Variants in STK38L observed in about 807,000 individuals in gnomAD.
STK38L encodes serine/threonine kinase 38 like.
STK38L carries 28 observed loss-of-function variants against 59.7 expected under a neutral mutation model. The ratio of observed to expected loss-of-function variants is 0.47; its 90% CI spans 0.35 to 0.64. The LOEUF is 0.64. STK38L is among the 30% of genes least tolerant of loss of function. The probability of loss-of-function intolerance (pLI) is 0.01; values close to 1 mark genes in which losing one functional copy is unlikely to be tolerated. For synonymous variants in STK38L, 162 were observed against 176.8 expected, an observed-to-expected ratio of 0.92 and a Z score of 0.66; for missense variants, 314 against 555.8, an observed-to-expected ratio of 0.56 and a Z score of 4.37.
intron 1 of STK38L, among the ~76,000 whole-genome samples, chr12:27,245,287 A>G (rs944886551): frequency 6.6e-6 from 1 of 152,198 alleles, no homozygotes; most frequent in African/African-American, 2.4e-5. Context: ...ATAACTTGTG[A>G]TAAGTTTTGA....
At chr12:27,309,555 C>T (rs941417750) in intron 5 of STK38L, among the ~76,000 whole-genome samples, 38 of 152,194 alleles carry the variant, frequency 2.5e-4, no homozygotes, top group Non-Finnish European at 4.7e-4. Flanking sequence ...ACTAAGTTTT[C>T]ACATGGCCTT....
At chr12:27,262,624 G>A (rs986966204) in intron 1 of STK38L, among the ~76,000 whole-genome samples, 4 of 151,184 alleles carry the variant, frequency 2.6e-5, no homozygotes, top group African/African-American at 4.9e-5. Context: ...AGGATCACTC[G>A]AGGCCAGGAG....
At chr12:27,245,901 G>A (rs1470837660) in intron 1 of STK38L, 1 of 152,160 alleles carries the variant, frequency 6.6e-6, no homozygotes, top group Non-Finnish European at 1.5e-5. Flanking sequence ...GTTGTGATGT[G>A]TTTAGAATGA....
At chr12:27,252,167 G>A (rs1728150582) in intron 1 of STK38L, among the ~76,000 whole-genome samples, 2 of 152,194 alleles carry the variant, frequency 1.3e-5, no homozygotes, top group African/African-American at 4.8e-5. Context: ...TTTTAGTAGA[G>A]ATGGGGTTTC....
intron 1 of STK38L, among the ~76,000 whole-genome samples, chr12:27,276,167 CACCA>C (rs1565532577): frequency 6.6e-6 from 1 of 152,158 alleles, no homozygotes; most frequent in Non-Finnish European, 1.5e-5. Flanking sequence ...GTGTGCACAT[CACCA>C]ACTTAAACAG....
intron 1 of STK38L, among the ~76,000 whole-genome samples, chr12:27,250,549 G>A (rs1460576960): frequency 6.6e-6 from 1 of 152,068 alleles, no homozygotes; most frequent in East Asian, 1.9e-4. Flanking sequence ...CTATGCACCA[G>A]ACATAGTGCT....
chr12:27,314,696 T>A (rs778292539), intron 7 of STK38L, 38 bp downstream of exon 7: 1 of 1,550,866 alleles, frequency 6.4e-7, no homozygotes, highest in South Asian at 1.2e-5. Context: ...GGCTGTTGAT[T>A]ATTTTTTAGA....
chr12:27,313,413 G>A (rs769020050), intron 6 of STK38L, among the ~76,000 whole-genome samples: 5 of 151,982 alleles, frequency 3.3e-5, no homozygotes, highest in Non-Finnish European at 7.4e-5. Flanking sequence ...ATGAAGTCTC[G>A]CTCTGTTGCC....
At chr12:27,305,519 C>T (rs1376727142) in intron 3 of STK38L, among the ~76,000 whole-genome samples, 2 of 152,102 alleles carry the variant, frequency 1.3e-5, no homozygotes, top group Non-Finnish European at 2.9e-5. Context: ...CTCTCTCAAC[C>T]TTAATATAAA....
intron 1 of STK38L, among the ~76,000 whole-genome samples, chr12:27,288,152 C>T (rs955179535): frequency 1.3e-5 from 2 of 152,128 alleles, no homozygotes; most frequent in African/African-American, 4.8e-5. Flanking sequence ...AAAGGGGTTA[C>T]AGAGACATGA....
chr12:27,317,838 G>T, intron 10 of STK38L, 58 bp from the exon 11 acceptor site: 1 of 1,604,104 alleles, frequency 6.2e-7, no homozygotes, highest in South Asian at 1.1e-5. Flanking sequence ...TGTTTGGTGG[G>T]TATAAACTTC....
At chr12:27,273,982 C>T (rs141320969) in intron 1 of STK38L, among the ~76,000 whole-genome samples, 5 of 151,954 alleles carry the variant, frequency 3.3e-5, no homozygotes, top group Non-Finnish European at 5.9e-5. Flanking sequence ...GGGCCGGGTG[C>T]GGTGGTTCAC....
chr12:27,324,832 C>T lies in STK38L; in HGVS notation c.*2377C>T, dbSNP rs1944804730. 6.6e-6 allele frequency: 1 copy of T among 152,014 alleles called. No homozygotes were observed. The highest frequency in any genetic ancestry group is 2.4e-5 in the African/African-American group (1 of 41,424). The allele number at this position is 152,014 out of a possible 1,614,324, so 9.4% of individuals were successfully genotyped here. On this transcript the variant is annotated 3_prime_UTR_variant, in exon 14 of 14. Transcript: ENST00000389032. ...TTAACTAGATAATTTGCAAAGTACCCTTGAGATTGAATTTTCTCTATTATA... is the reference window on the plus strand; with the variant it reads ...TTAACTAGATAATTTGCAAAGTACCTTTGAGATTGAATTTTCTCTATTATA...
At chr12:27,291,364 C>A (rs1359577089) in intron 1 of STK38L, among the ~76,000 whole-genome samples, 6 of 152,092 alleles carry the variant, frequency 3.9e-5, no homozygotes, top group Non-Finnish European at 8.8e-5. Flanking sequence ...TGAACTCTTA[C>A]TATAGCCCCA....
intron 1 of STK38L, among the ~76,000 whole-genome samples, chr12:27,284,256 G>A (rs144515916): frequency 1.4e-4 from 22 of 152,330 alleles, no homozygotes; most frequent in Non-Finnish European, 2.6e-4. Context: ...GTGTCCTGGA[G>A]TGGTCACTGC....
intron 1 of STK38L, among the ~76,000 whole-genome samples, chr12:27,296,836 T>C (rs536575561): frequency 9.2e-5 from 14 of 152,354 alleles, no homozygotes; most frequent in Non-Finnish European, 1.9e-4. Context: ...AGTGGCCATT[T>C]TGCCACACTC....
Position 27,308,440 on chromosome 12 carries a change from AG to A in STK38L, c.290del (p.Gly97GlufsTer22). 6.3e-7 allele frequency: 1 copy of A among 1,591,930 alleles called. No individual in the cohort carries two copies. Among genetic ancestry groups the A allele is most frequent in the South Asian group, 1.1e-5 (1 of 88,492 alleles). On this transcript the variant is annotated frameshift_variant, in exon 4 of 14. Transcript: ENST00000389032. LOFTEE classifies it high-confidence loss of function. This position sits in a 1 kb window ranked among gnomAD's most constrained non-coding sequence, Gnocchi z 4.5. ...ATGACTTTGAGTCTCTGAAAGTTAT[AG>A]GAAGAGGAGCTTTTGGAGAGGTGTG... ...LDDFESLKVI[G>X]RGAFGEVRLV...
intron 1 of STK38L, among the ~76,000 whole-genome samples, chr12:27,295,538 C>G (rs1325437824): frequency 6.6e-6 from 1 of 152,216 alleles, no homozygotes; most frequent in Non-Finnish European, 1.5e-5. Context: ...ACTACTGTTA[C>G]TGCGCCCCCT....
chr12:27,264,319 T>C (rs1943259571), intron 1 of STK38L, among the ~76,000 whole-genome samples: 1 of 152,174 alleles, frequency 6.6e-6, no homozygotes, highest in Non-Finnish European at 1.5e-5. Context: ...TTAATGTTAC[T>C]AGGGCCTGGA....
Sources: gnomAD v4.1 joint callset for allele counts (sites outside exome capture counted in the v4.1 genomes callset) on GRCh38, gnomAD v4.1.1 for gene constraint, Gnocchi (gnomAD v3.1) non-coding constraint, MANE v1.5 for transcripts, NCBI Gene and HGNC (gene_info 2026-07-23, HGNC 2026-07-21) for gene names.